CTPS2: variants seen among roughly 807,000 people sequenced by gnomAD.
The protein encoded by CTPS2 is CTP synthase II.
In CTPS2, 19 loss-of-function variants were observed where a neutral mutation model predicts 46.8. That is an observed-to-expected ratio of 0.41 (90% CI 0.28 to 0.60). The LOEUF is 0.60. CTPS2 is among the 20% of genes least tolerant of loss of function. The pLI, the probability that CTPS2 is intolerant of heterozygous loss-of-function variation, is 0.35. For synonymous variants in CTPS2, 151 were observed against 165.2 expected (o/e 0.91, Z 0.66); for missense variants, 286 against 447.6 (o/e 0.64, Z 3.26).
In CTPS2 at chrX:16,695,114, C is replaced by T. The variant is rs754559232; in HGVS notation, c.439-1627G>A. Among the ~76,000 whole-genome samples the T allele has an allele frequency of 4.1e-4, 41 of 100,879 alleles. No individual in the cohort carries two copies. The Admixed American group carries it at 4.1e-3, about 10-fold the overall frequency. The allele number at this position is 100,879 out of a possible 115,157, so 87.6% of individuals were successfully genotyped here. The stretch of plus-strand genomic sequence containing the variant: ...CCCACTAAATACAAGGCACCAAAAT[C>T]TAATTTTTGAAAATCATTTATTTTT... On this transcript the variant is annotated intron_variant, in intron 4 of 18. Coordinates refer to ENST00000359276, the MANE Select transcript of CTPS2 (RefSeq NM_175859.3).
At chrX:16,693,294 T>G in intron 5 of CTPS2, 70 bp from the exon 6 acceptor site, 1 of 1,073,748 alleles carries the variant, frequency 9.3e-7, no homozygotes, top group Non-Finnish European at 1.3e-6. Context: ...GTGCCCCACT[T>G]TCAAATGCAG....
At chrX:16,590,697 A>G (rs1191911661) in intron 18 of CTPS2, 55 bp downstream of exon 18, 6 of 680,523 alleles carry the variant, frequency 8.8e-6, no homozygotes, top group Non-Finnish European at 1.2e-5. Flanking sequence ...CCTCTATACC[A>G]AGATGACAGC....
At chrX:16,600,067 C>T (rs1389145922) in intron 17 of CTPS2, among the ~76,000 whole-genome samples, 1 of 112,528 alleles carries the variant, frequency 8.9e-6, no homozygotes, top group Non-Finnish European at 1.9e-5. Context: ...ACCCACTGTG[C>T]CCAGCCAACA....
chrX:16,616,189 A>G (rs1930518652), intron 16 of CTPS2, among the ~76,000 whole-genome samples: 1 of 112,019 alleles, frequency 8.9e-6, no homozygotes, highest in Non-Finnish European at 1.9e-5. Context: ...GACTGAGAAG[A>G]ACACTGCCTT....
chrX:16,691,554 C>T lies in CTPS2; in HGVS notation c.706G>A (p.Val236Met), dbSNP rs1455592938. The change falls in exon 7 of 19, where the codon GTG (valine) becomes ATG (methionine). Residue 236 changes from valine (V) to methionine (M), a missense_variant. By Grantham distance (21) the Val-to-Met change is conservative. Coordinates refer to ENST00000359276, the MANE Select transcript of CTPS2 (RefSeq NM_175859.3). ...VKEKISMFCH[V>M]NPEQVICIHD... ...GCAGCACCAACCTGTTCAGGGTTCA[C>T]GTGACAAAACATAGAAATCTTCTCC... 1 of 1,210,235 alleles carries T rather than the reference C, an allele frequency of 8.3e-7. No homozygotes were observed. The highest frequency in any genetic ancestry group is 1.1e-6 in the Non-Finnish European group (1 of 894,088).
chrX:16,692,859 A>G (rs184299660), intron 6 of CTPS2, among the ~76,000 whole-genome samples: 43 of 110,133 alleles, frequency 3.9e-4, no homozygotes, highest in African/African-American at 1.4e-3. Context: ...GGAATTCAAG[A>G]CCAGCCTAGC....
chrX:16,667,451 T>G, intron 13 of CTPS2, 63 bp downstream of exon 13: 2 of 1,132,434 alleles, frequency 1.8e-6, no homozygotes, highest in Middle Eastern at 2.4e-4. Context: ...CCTTATGAAT[T>G]TAGGCAAGAG....
chrX:16,590,914 AATT>A, intron 17 of CTPS2, 52 bp from the exon 18 acceptor site: 1 of 891,913 alleles, frequency 1.1e-6, no homozygotes, highest in Non-Finnish European at 1.6e-6. Context: ...AAACCTGGAC[AATT>A]ATTCAATTTG....
chrX:16,620,079 C>A (rs1053692429), intron 15 of CTPS2, among the ~76,000 whole-genome samples, 198 bp downstream of exon 15: 6 of 110,510 alleles, frequency 5.4e-5, no homozygotes, highest in Non-Finnish European at 1.1e-4. Context: ...AACATGAGAG[C>A]CTCCGCCCCC....
At chrX:16,600,501 T>G (rs974449857) in intron 17 of CTPS2, among the ~76,000 whole-genome samples, 1 of 111,948 alleles carries the variant, frequency 8.9e-6, no homozygotes, top group Non-Finnish European at 1.9e-5. Context: ...AAACTTAGTC[T>G]GCTTTGAATG....
At chrX:16,649,850 A>G (rs1932516462) in intron 13 of CTPS2, among the ~76,000 whole-genome samples, 1 of 112,043 alleles carries the variant, frequency 8.9e-6, no homozygotes, top group South Asian at 3.7e-4. Flanking sequence ...ATGCAACTAA[A>G]TTGAAAAGAA....
chrX:16,665,809 G>A (rs1335541019), intron 13 of CTPS2, among the ~76,000 whole-genome samples: 3 of 112,190 alleles, frequency 2.7e-5, no homozygotes, highest in Non-Finnish European at 5.6e-5. Context: ...GGAGTGCAAT[G>A]GCACGATCTC....
chrX:16,651,657 A>G (rs915742307), intron 13 of CTPS2, among the ~76,000 whole-genome samples: 4 of 112,189 alleles, frequency 3.6e-5, no homozygotes, highest in African/African-American at 1.3e-4. Context: ...TGTGTTCATC[A>G]CTTAAATTTG....
At chrX:16,660,207 T>TTTTCTTTC (rs200976083) in intron 13 of CTPS2, among the ~76,000 whole-genome samples, 7 of 105,707 alleles carry the variant, frequency 6.6e-5, no homozygotes, top group African/African-American at 1.7e-4. Flanking sequence ...TCAGGAGAAT[T>TTTTCTTTC]TTTCTTTCTT....
In CTPS2 at chrX:16,639,777, AAAAGAAAGAAAGAAAGAAAGAAAG is replaced by A. The variant is rs10682704; in HGVS notation, c.1297-558_1297-535del. On this transcript the variant is annotated intron_variant, in intron 13 of 18. Transcript: ENST00000359276. ...AGAGAAAGGAAAAGAAAAGGAAAAG[AAAAGAAAGAAAGAAAGAAAGAAAG>A]AAAGAAAGAAAGAAAGAAAGAAAGA... 8.4e-4 allele frequency among the ~76,000 whole-genome samples: 61 copies of A among 72,672 alleles called. 1 individual carries two copies. The highest frequency in any genetic ancestry group is 2.9e-3 in the East Asian group (7 of 2,432). 63.1% of individuals were successfully genotyped at this position (72,672 alleles called of 115,157 possible).
In CTPS2 at chrX:16,639,263, C is replaced by A; in HGVS notation, c.1297-20G>T. 6.3e-6 allele frequency: 7 copies of A among 1,103,040 alleles called. No homozygotes were observed. The highest frequency in any genetic ancestry group is 8.8e-6 in the Non-Finnish European group (7 of 798,931). 90.9% of individuals were successfully genotyped at this position (1,103,040 alleles called of 1,213,427 possible). Reference sequence around the variant, plus strand: ...AATCACCTTAGAAAACAAAACAAGTCCAGTTTTGCCATCTTGTAAAAATGT... The same window carrying A: ...AATCACCTTAGAAAACAAAACAAGTACAGTTTTGCCATCTTGTAAAAATGT... On this transcript the variant is annotated intron_variant, in intron 13 of 18. Transcript: ENST00000359276.
chrX:16,637,850 T>A (rs1220263160), intron 14 of CTPS2, among the ~76,000 whole-genome samples: 1 of 112,569 alleles, frequency 8.9e-6, no homozygotes, highest in African/African-American at 3.2e-5. Flanking sequence ...TTTCCTTTTT[T>A]AATTTCATTC....
At position 16,629,410 on chromosome X, in the gene CTPS2, G is replaced by T. The variant is rs375378895; in HGVS notation, c.1394-9078C>A. On this transcript the variant is annotated intron_variant, in intron 14 of 18. Transcript: ENST00000359276. ...TGCAGCTCTCACGAAGCCCTGCCGT[G>T]CTCCTCTGGAATTTGTGTCTCAGCA... Among the ~76,000 whole-genome samples the T allele has an allele frequency of 3.9e-4, 44 of 111,816 alleles. 2 individuals are homozygous for T. In the East Asian group the frequency reaches 5.1e-3, roughly 13 times the overall value.
chrX:16,603,966 G>C (rs1266007058), intron 17 of CTPS2, among the ~76,000 whole-genome samples: 1 of 111,337 alleles, frequency 9.0e-6, no homozygotes, highest in Non-Finnish European at 1.9e-5. Flanking sequence ...TTAGATCCTA[G>C]GGGCACACAA....
Sources: allele counts gnomAD v4.1 joint callset (sites outside exome capture counted in the v4.1 genomes callset), GRCh38; gene constraint gnomAD v4.1.1; transcripts MANE v1.5; gene names NCBI Gene and HGNC (gene_info 2026-07-23, HGNC 2026-07-21).